GALNT2: variants seen among roughly 807,000 people sequenced by gnomAD.
GALNT2 encodes the protein polypeptide N-acetylgalactosaminyltransferase 2.
Under a neutral mutation model 81.4 loss-of-function variants are expected in GALNT2, and 31 were observed. The ratio of observed to expected loss-of-function variants is 0.38; its 90% CI spans 0.29 to 0.51. The LOEUF (loss-of-function observed/expected upper bound fraction) is 0.51. GALNT2 is among the 20% of genes least tolerant of loss of function. GALNT2 has a pLI of 0.87. For missense variants in GALNT2, 629 were observed against 765.7 expected (o/e 0.82, Z 2.11); for synonymous variants, 303 against 287.4 (o/e 1.05, Z -0.55).
chr1:230,243,274 C>G lies in GALNT2; in HGVS notation c.608-32C>G, dbSNP rs756240514. The G allele has an allele frequency of 2.5e-6, 4 of 1,577,844 alleles. No individual in the cohort carries two copies. The highest frequency in any genetic ancestry group is 1.7e-5 in the Admixed American group (1 of 58,302). ...GTTGTGCTGGCCCTGTGGCTTCTCT[C>G]TCCTGACGTGCTTTCCAACTCGCCT... is the stretch of plus-strand genomic sequence containing the variant. On this transcript the variant is annotated intron_variant, in intron 6 of 15. Transcript: ENST00000366672. The surrounding 1 kb of genome is among the most constrained non-coding windows in gnomAD (Gnocchi z 4.2).
chr1:230,090,103 G>GT (rs1387247322), intron 1 of GALNT2, among the ~76,000 whole-genome samples: 1 of 152,152 alleles, frequency 6.6e-6, no homozygotes, highest in Non-Finnish European at 1.5e-5. Context: ...ATATGAAGTG[G>GT]TATCTTGTGA....
chr1:230,208,364 G>A (rs578054078), intron 3 of GALNT2, among the ~76,000 whole-genome samples: 1 of 152,304 alleles, frequency 6.6e-6, no homozygotes, highest in East Asian at 1.9e-4. Flanking sequence ...CACAAGGGAA[G>A]ACCTGCAGTC....
chr1:230,134,022 G>T (rs1284262223), intron 1 of GALNT2, among the ~76,000 whole-genome samples: 1 of 151,602 alleles, frequency 6.6e-6, no homozygotes, highest in Admixed American at 6.6e-5. Flanking sequence ...CTCAACCAGA[G>T]ATCAGGTAAG....
chr1:230,084,362 G>A (rs900998319), intron 1 of GALNT2, among the ~76,000 whole-genome samples: 1 of 152,326 alleles, frequency 6.6e-6, no homozygotes, highest in African/African-American at 2.4e-5. Context: ...GATCCAGTGT[G>A]GCAGAAGGCT....
Position 230,109,256 on chromosome 1 carries a change from G to A in GALNT2, c.126+41850G>A, listed in dbSNP as rs564564863. ...TGGTCCTTGCCTTTGCAGGTGAGCG[G>A]GTGCAGGGAGGTGCGGGGTGGGGTG... On this transcript the variant is annotated intron_variant, in intron 1 of 15. Transcript: ENST00000366672. 4.6e-5 allele frequency among the ~76,000 whole-genome samples: 7 copies of A among 152,314 alleles called. No homozygotes were observed. The South Asian group carries it at 1.4e-3, about 32-fold the overall frequency.
chr1:230,247,462 C>T (rs773501420), intron 8 of GALNT2, among the ~76,000 whole-genome samples: 43 of 152,034 alleles, frequency 2.8e-4, no homozygotes, highest in Admixed American at 2.3e-3. Context: ...AGCGGGAGGG[C>T]GGGCATGCTT....
intron 1 of GALNT2, among the ~76,000 whole-genome samples, chr1:230,135,491 G>C (rs564205554): frequency 2.1e-3 from 322 of 152,340 alleles, no homozygotes; most frequent in Non-Finnish European, 3.9e-3. Context: ...TGTCAGGCAT[G>C]AGCCACAGAA....
At chr1:230,140,150 G>T (rs1661684722) in intron 1 of GALNT2, among the ~76,000 whole-genome samples, 1 of 152,230 alleles carries the variant, frequency 6.6e-6, no homozygotes, top group African/African-American at 2.4e-5. Context: ...TTCCCCTTGG[G>T]GGTCGGCTTT....
chr1:230,270,422 T>C (rs1220141379), intron 14 of GALNT2, among the ~76,000 whole-genome samples: 1 of 152,218 alleles, frequency 6.6e-6, no homozygotes, highest in Admixed American at 6.5e-5. Flanking sequence ...ATGGGGATGC[T>C]CTACATCTGC....
At chr1:230,233,867 G>A (rs1197833922) in intron 3 of GALNT2, among the ~76,000 whole-genome samples, 1 of 152,140 alleles carries the variant, frequency 6.6e-6, no homozygotes. Context: ...GGCAAGTGAG[G>A]GATGTAGGCA....
intron 1 of GALNT2, among the ~76,000 whole-genome samples, chr1:230,136,443 C>T (rs1349437104): frequency 6.6e-6 from 1 of 152,156 alleles, no homozygotes; most frequent in Non-Finnish European, 1.5e-5. Context: ...CCTAATGTTT[C>T]AAAACACACA....
intron 1 of GALNT2, among the ~76,000 whole-genome samples, chr1:230,139,478 C>T (rs988936592): frequency 2.0e-5 from 3 of 152,138 alleles, no homozygotes; most frequent in Non-Finnish European, 4.4e-5. Context: ...CCTTCAGCAA[C>T]GCCTCACTCC....
At chr1:230,184,583 A>G (rs1291162494) in intron 2 of GALNT2, among the ~76,000 whole-genome samples, 2 of 151,488 alleles carry the variant, frequency 1.3e-5, no homozygotes, top group Admixed American at 6.6e-5. Context: ...TCTTTCCTGC[A>G]TGGTTTCTGA....
In GALNT2 at chr1:230,087,022, A is replaced by G. The variant is rs1433942027; in HGVS notation, c.126+19616A>G. Among the ~76,000 whole-genome samples the G allele has an allele frequency of 2.0e-5, 3 of 152,214 alleles. No individual in the cohort carries two copies. The East Asian group carries it at 5.8e-4, about 29-fold the overall frequency. ...ATGTTGCCTGGTGAGCACTTAACCC[A>G]CACCAGGCACGTAGGGAGAAAGAGC... On this transcript the variant is annotated intron_variant, in intron 1 of 15. Transcript: ENST00000366672.
intron 1 of GALNT2, among the ~76,000 whole-genome samples, chr1:230,122,208 C>T (rs573953932): frequency 6.6e-6 from 1 of 152,246 alleles, no homozygotes; most frequent in African/African-American, 2.4e-5. Context: ...TGGTGCTTTC[C>T]TTGGTTATAT....
At chr1:230,156,075 G>T (rs535093241) in intron 1 of GALNT2, among the ~76,000 whole-genome samples, 11 of 152,156 alleles carry the variant, frequency 7.2e-5, no homozygotes, top group South Asian at 2.1e-4. Flanking sequence ...GTGTTTTTAG[G>T]GTGGGGAAGA....
chr1:230,235,235 A>ACTT, intron 3 of GALNT2, among the ~76,000 whole-genome samples: 1 of 144,854 alleles, frequency 6.9e-6, no homozygotes, highest in Non-Finnish European at 1.5e-5. Context: ...AAAAAAAAAA[A>ACTT]AAGCTACTTA....
intron 1 of GALNT2, among the ~76,000 whole-genome samples, chr1:230,094,558 A>G (rs1012875827): frequency 2.0e-5 from 3 of 152,180 alleles, no homozygotes; most frequent in Admixed American, 2.0e-4. Flanking sequence ...GAATCACTTG[A>G]ACCCGGGAGG....
intron 1 of GALNT2, among the ~76,000 whole-genome samples, chr1:230,143,777 C>T (rs557789432): frequency 3.3e-5 from 5 of 152,300 alleles, no homozygotes; most frequent in South Asian, 4.1e-4. Context: ...GACATTGATG[C>T]GCCAACCAGA....
Sources: gnomAD v4.1 joint callset for allele counts (sites outside exome capture counted in the v4.1 genomes callset) on GRCh38, gnomAD v4.1.1 for gene constraint, Gnocchi (gnomAD v3.1) non-coding constraint, MANE v1.5 for transcripts, NCBI Gene and HGNC (gene_info 2026-07-23, HGNC 2026-07-21) for gene names.